The following PSTPIP1 variants were observed in gnomAD, a reference collection of about 807,000 sequenced individuals.
The protein encoded by PSTPIP1 is proline-serine-threonine phosphatase interacting protein 1.
Under a neutral mutation model 69.6 loss-of-function variants are expected in PSTPIP1, and 66 were observed. That is an observed-to-expected ratio of 0.95 (90% confidence interval 0.78 to 1.16). The LOEUF (loss-of-function observed/expected upper bound fraction) is 1.16, where lower values mean the gene tolerates loss of function less well. Ranked by LOEUF, PSTPIP1 falls within the 50% of genes most tolerant of loss-of-function variation. The probability of loss-of-function intolerance (pLI) is 0.00; values close to 1 mark genes in which losing one functional copy is unlikely to be tolerated. For synonymous variants in PSTPIP1, 266 were observed against 222.7 expected (o/e 1.19, Z -1.73); for missense variants, 603 against 557.4 (o/e 1.08, Z -0.82).
intron 12 of PSTPIP1, among the ~76,000 whole-genome samples, chr15:77,033,425 T>A (rs1490430965): frequency 6.6e-6 from 1 of 152,158 alleles, no homozygotes; most frequent in African/African-American, 2.4e-5. Context: ...TCACACTCTC[T>A]AAGGCCAGGG....
At chr15:77,030,424 TC>T in intron 8 of PSTPIP1, 77 bp from the exon 9 acceptor site, 1 of 1,466,362 alleles carries the variant, frequency 6.8e-7, no homozygotes, top group Non-Finnish European at 9.4e-7. Flanking sequence ...GGAGGAGGCA[TC>T]CAGGATGGGA....
intron 3 of PSTPIP1, among the ~76,000 whole-genome samples, chr15:77,022,986 C>G (rs1403409669): frequency 1.3e-5 from 2 of 152,198 alleles, no homozygotes; most frequent in African/African-American, 4.8e-5. Context: ...TCAAGACTGT[C>G]CCAGGGGTGG....
At chr15:77,016,499 C>A (rs2076055585) in intron 1 of PSTPIP1, among the ~76,000 whole-genome samples, 1 of 152,152 alleles carries the variant, frequency 6.6e-6, no homozygotes, top group African/African-American at 2.4e-5. Flanking sequence ...GGGGTGGGCG[C>A]CTGCCTCTGA....
intron 3 of PSTPIP1, among the ~76,000 whole-genome samples, chr15:77,019,733 C>T (rs2076124752): frequency 6.6e-6 from 1 of 152,228 alleles, no homozygotes; most frequent in Non-Finnish European, 1.5e-5. Flanking sequence ...CTGAGGGCCT[C>T]CCAAGGGAAG....
intron 7 of PSTPIP1, among the ~76,000 whole-genome samples, 196 bp from the exon 8 acceptor site, chr15:77,029,333 G>A (rs1467419784): frequency 2.0e-5 from 3 of 152,330 alleles, no homozygotes; most frequent in East Asian, 3.9e-4. Context: ...TCCTGTCTTC[G>A]TTCTCTTTCC....
intron 1 of PSTPIP1, among the ~76,000 whole-genome samples, chr15:77,002,431 T>A (rs915320494): frequency 1.3e-5 from 2 of 152,252 alleles, no homozygotes; most frequent in Non-Finnish European, 2.9e-5. Flanking sequence ...AGAGTACCTT[T>A]GTCATTAAAA....
intron 1 of PSTPIP1, among the ~76,000 whole-genome samples, chr15:77,011,470 CGGA>C (rs1253827876): frequency 6.6e-6 from 1 of 152,246 alleles, no homozygotes; most frequent in Admixed American, 6.5e-5. Flanking sequence ...GACTGGGACT[CGGA>C]GGAGAACTGT....
chr15:76,999,907 C>G (rs2075661125), intron 1 of PSTPIP1, among the ~76,000 whole-genome samples: 1 of 152,196 alleles, frequency 6.6e-6, no homozygotes, highest in African/African-American at 2.4e-5. Flanking sequence ...GGACCAGATT[C>G]TATTGAGATC....
intron 1 of PSTPIP1, among the ~76,000 whole-genome samples, chr15:77,004,279 C>T (rs2075771494): frequency 1.3e-5 from 2 of 152,180 alleles, no homozygotes; most frequent in Non-Finnish European, 2.9e-5. Context: ...GCACACTGAG[C>T]AATGGGTGAT....
Position 77,027,732 on chromosome 15 carries a change from C to T in PSTPIP1, c.355-120C>T. On this transcript the variant is annotated intron_variant, in intron 5 of 14. Coordinates refer to ENST00000558012, the MANE Select transcript of PSTPIP1 (RefSeq NM_003978.5). This position sits in a 1 kb window ranked among gnomAD's most constrained non-coding sequence, Gnocchi z 4.3. ...CTCTGGGGGAGGGAGGGCAGCCTGT[C>T]ACCCTCTCTCCAGAGCCAGGAGAGG... The T allele has an allele frequency of 8.4e-7, 1 of 1,187,328 alleles. No individual in the cohort carries two copies. Among genetic ancestry groups the T allele is most frequent in the Non-Finnish European group, 1.2e-6 (1 of 820,926 alleles). 73.5% of individuals were successfully genotyped at this position (1,187,328 alleles called of 1,614,324 possible).
intron 1 of PSTPIP1, among the ~76,000 whole-genome samples, chr15:77,008,779 C>G (rs1429157339): frequency 6.6e-6 from 1 of 152,196 alleles, no homozygotes; most frequent in Non-Finnish European, 1.5e-5. Context: ...TCCCAGAGAG[C>G]ACTAGGCTCC....
chr15:77,028,763 CT>C, intron 7 of PSTPIP1, 111 bp downstream of exon 7: 1 of 953,826 alleles, frequency 1.0e-6, no homozygotes, highest in Non-Finnish European at 1.5e-6. Context: ...GGGGATGCTG[CT>C]TAGCCCTCTC....
chr15:77,032,352 G>C lies in PSTPIP1; in HGVS notation c.796G>C (p.Asp266His), dbSNP rs104895418. ...LEGCSIDADIDSFIQAKSTGT... is the reference protein window; with the variant it reads ...LEGCSIDADIHSFIQAKSTGT... ...AGGCTGCAGCATAGACGCCGACATC[G>C]ACAGTTTCATCCAGGCCAAGAGCAC... The change falls in exon 11 of 15, where the codon GAC (aspartate) becomes CAC (histidine). Residue 266 changes from aspartate to histidine, a missense_variant. Asp to His is a moderately conservative substitution (Grantham distance 81). Transcript: ENST00000558012. 21 of 1,612,548 alleles carry C rather than the reference G, an allele frequency of 1.3e-5. No homozygotes were observed. Among genetic ancestry groups the C allele is most frequent in the Non-Finnish European group, 1.7e-6 (2 of 1,179,788 alleles).
chr15:77,012,691 T>C (rs999090369), intron 1 of PSTPIP1, among the ~76,000 whole-genome samples: 1 of 152,226 alleles, frequency 6.6e-6, no homozygotes, highest in Non-Finnish European at 1.5e-5. Flanking sequence ...TCCCTGTGCC[T>C]CTGTTTCCGT....
At chr15:77,030,226 G>A (rs1326951619) in intron 8 of PSTPIP1, among the ~76,000 whole-genome samples, 1 of 152,228 alleles carries the variant, frequency 6.6e-6, no homozygotes, top group African/African-American at 2.4e-5. Context: ...GTGAGGTGGG[G>A]CGCCCAGAGA....
intron 1 of PSTPIP1, among the ~76,000 whole-genome samples, chr15:77,002,139 C>T (rs1328856060): frequency 6.6e-6 from 1 of 152,220 alleles, no homozygotes; most frequent in Non-Finnish European, 1.5e-5. Flanking sequence ...AGTCCACATG[C>T]CCCCAAACGC....
At chr15:77,028,956 G>T (rs1400316663) in intron 7 of PSTPIP1, among the ~76,000 whole-genome samples, 1 of 152,210 alleles carries the variant, frequency 6.6e-6, no homozygotes, top group Admixed American at 6.5e-5. Flanking sequence ...CACAACCTTG[G>T]AGAAGGGCTC....
chr15:77,020,926 G>A (rs892535503), intron 3 of PSTPIP1, among the ~76,000 whole-genome samples: 3 of 151,934 alleles, frequency 2.0e-5, no homozygotes, highest in African/African-American at 7.3e-5. Context: ...CTTCAACATC[G>A]GGGCTGGTGG....
chr15:77,015,732 G>C (rs983663995), intron 1 of PSTPIP1: 6 of 357,142 alleles, frequency 1.7e-5, no homozygotes, highest in Non-Finnish European at 3.4e-5. Flanking sequence ...GCAGGGGTGG[G>C]GGTGAAGGAG....
Sources: allele counts gnomAD v4.1 joint callset (sites outside exome capture counted in the v4.1 genomes callset), GRCh38; gene constraint gnomAD v4.1.1; non-coding constraint Gnocchi (gnomAD v3.1); transcripts MANE v1.5; gene names NCBI Gene and HGNC (gene_info 2026-07-23, HGNC 2026-07-21).